GPATCH8: variants seen among roughly 807,000 people sequenced by gnomAD.
GPATCH8 encodes G patch domain-containing protein 8.
GPATCH8 carries 18 observed loss-of-function variants against 118.3 expected under a neutral mutation model. The ratio of observed to expected loss-of-function variants is 0.15; its 90% confidence interval spans 0.11 to 0.23. GPATCH8 has a LOEUF of 0.23. Ranked by LOEUF, GPATCH8 falls within the 10% of genes least tolerant of loss-of-function variation. GPATCH8 has a pLI of 1.00. For missense variants in GPATCH8, 1,631 were observed against 1,873.8 expected (o/e 0.87, Z 2.39); for synonymous variants, 659 against 684.7 (o/e 0.96, Z 0.59).
chr17:44,495,102 AG>A (rs1969558506), intron 1 of GPATCH8, among the ~76,000 whole-genome samples: 1 of 152,176 alleles, frequency 6.6e-6, no homozygotes, highest in African/African-American at 2.4e-5. Flanking sequence ...TGGGAGGCCA[AG>A]GCGGGCAGAT....
chr17:44,490,688 T>C (rs1207763719), intron 1 of GPATCH8, among the ~76,000 whole-genome samples: 1 of 152,088 alleles, frequency 6.6e-6, no homozygotes, highest in Non-Finnish European at 1.5e-5. Flanking sequence ...TTTTAAATTA[T>C]ATGCATACAC....
At chr17:44,414,470 G>A (rs1055124867) in intron 6 of GPATCH8, among the ~76,000 whole-genome samples, 2 of 151,906 alleles carry the variant, frequency 1.3e-5, no homozygotes, top group Non-Finnish European at 2.9e-5. Flanking sequence ...ATCATGCCCT[G>A]CTAATTTATT....
At chr17:44,481,396 A>G (rs1373722272) in intron 1 of GPATCH8, among the ~76,000 whole-genome samples, 1 of 152,262 alleles carries the variant, frequency 6.6e-6, no homozygotes, top group Non-Finnish European at 1.5e-5. Context: ...GGCACTAAAA[A>G]GAAACAAATT....
At chr17:44,467,366 C>T (rs1436535528) in intron 2 of GPATCH8, among the ~76,000 whole-genome samples, 1 of 152,246 alleles carries the variant, frequency 6.6e-6, no homozygotes, top group East Asian at 1.9e-4. Context: ...TAAGGTTATA[C>T]ACATTAGCAC....
chr17:44,415,433 T>C (rs1023234692), intron 6 of GPATCH8, among the ~76,000 whole-genome samples: 3 of 152,244 alleles, frequency 2.0e-5, no homozygotes, highest in African/African-American at 7.2e-5. Flanking sequence ...AAACCCAAAA[T>C]GCTCCAATAA....
At chr17:44,403,614 T>C (rs772142794) in intron 7 of GPATCH8, among the ~76,000 whole-genome samples, 3 of 152,136 alleles carry the variant, frequency 2.0e-5, no homozygotes, top group Non-Finnish European at 4.4e-5. Flanking sequence ...ATTTATATGA[T>C]GTCCTTGTTA....
Position 44,406,135 on chromosome 17 carries a change from C to T in GPATCH8, c.493-84G>A, listed in dbSNP as rs143678118. ...GAAAGCAAAGCCTTTAGGACATGAC[C>T]CTCAACCAACAGTCATGGTATTAGT... On this transcript the variant is annotated intron_variant, in intron 6 of 7. Transcript: ENST00000591680. The T allele has an allele frequency of 8.3e-3, 7,854 of 945,230 alleles. 52 individuals are homozygous for T. Among genetic ancestry groups the T allele is most frequent in the Non-Finnish European group, 0.011 (6,121 of 573,742 alleles). The allele number at this position is 945,230 out of a possible 1,614,324, so 58.6% of individuals were successfully genotyped here.
intron 7 of GPATCH8, among the ~76,000 whole-genome samples, chr17:44,404,353 G>T (rs1200756061): frequency 2.6e-5 from 4 of 151,760 alleles, no homozygotes; most frequent in Admixed American, 2.6e-4. Context: ...ATGTTGCCCT[G>T]GCTGGTCTTG....
chr17:44,397,912 C>T lies in GPATCH8; in HGVS notation c.4165G>A (p.Ala1389Thr), dbSNP rs760447249. Residue 1389 changes from alanine to threonine, a missense_variant, in exon 8 of 8, where the codon GCC becomes ACC. Ala to Thr is a moderately conservative substitution (Grantham distance 58). Transcript: ENST00000591680. ...ILQHHAAAAAAAIGIHPHPHP... is the reference protein window; with the variant it reads ...ILQHHAAAAATAIGIHPHPHP... ...GGGTGAGGGTGAATGCCGATGGCGG[C>T]AGCAGCTGCGGCAGCATGATGTTGT... is the stretch of plus-strand genomic sequence containing the variant. The T allele has an allele frequency of 6.2e-6, 10 of 1,612,384 alleles. No individual in the cohort carries two copies. Among genetic ancestry groups the T allele is most frequent in the Non-Finnish European group, 2.5e-6 (3 of 1,178,658 alleles).
intron 6 of GPATCH8, among the ~76,000 whole-genome samples, chr17:44,418,955 G>A (rs2049792841): frequency 6.6e-6 from 1 of 152,210 alleles, no homozygotes; most frequent in East Asian, 1.9e-4. Flanking sequence ...TGAAGATCAA[G>A]CTGGGTCTTA....
chr17:44,486,610 G>A (rs1459246685), intron 1 of GPATCH8: 1 of 152,002 alleles, frequency 6.6e-6, no homozygotes, highest in Non-Finnish European at 1.5e-5. Context: ...AGTATATTGT[G>A]GCCCCCTTTA....
intron 3 of GPATCH8, chr17:44,438,695 A>C (rs2050592567): frequency 6.6e-6 from 1 of 152,534 alleles, no homozygotes; most frequent in Non-Finnish European, 1.5e-5. Context: ...CCATCACCAC[A>C]ACAAGTCCAG....
At chr17:44,450,198 G>A (rs1199879888) in intron 3 of GPATCH8, among the ~76,000 whole-genome samples, 1 of 152,056 alleles carries the variant, frequency 6.6e-6, no homozygotes, top group African/African-American at 2.4e-5. Context: ...AATACAGCCT[G>A]GTATGTTTTG....
At chr17:44,446,666 A>G (rs2050895152) in intron 3 of GPATCH8, among the ~76,000 whole-genome samples, 1 of 152,224 alleles carries the variant, frequency 6.6e-6, no homozygotes, top group Non-Finnish European at 1.5e-5. Flanking sequence ...GGGATTATGT[A>G]GACAGCAGCC....
At chr17:44,452,134 G>A (rs1289064785) in intron 3 of GPATCH8, among the ~76,000 whole-genome samples, 1 of 151,850 alleles carries the variant, frequency 6.6e-6, no homozygotes. Context: ...TTAGTCAGGT[G>A]TGGTGGCATG....
chr17:44,503,181 C>G (rs1970224380), intron 1 of GPATCH8, 145 bp downstream of exon 1: 3 of 762,548 alleles, frequency 3.9e-6, no homozygotes, highest in African/African-American at 3.4e-5. Context: ...CGGGAGGCCT[C>G]TTGAGAAAGC....
At chr17:44,480,063 A>T (rs1968102313) in intron 1 of GPATCH8, among the ~76,000 whole-genome samples, 2 of 152,176 alleles carry the variant, frequency 1.3e-5, no homozygotes, top group African/African-American at 4.8e-5. Flanking sequence ...TGCTGAACAA[A>T]TCCATACCTG....
intron 1 of GPATCH8, among the ~76,000 whole-genome samples, chr17:44,478,863 C>T (rs972657683): frequency 2.0e-5 from 3 of 151,626 alleles, no homozygotes; most frequent in African/African-American, 7.3e-5. Context: ...CTCAGCCTCC[C>T]AAGTAGCTAG....
chr17:44,415,231 AT>A (rs1191295514), intron 6 of GPATCH8, among the ~76,000 whole-genome samples: 3 of 152,134 alleles, frequency 2.0e-5, no homozygotes, highest in Non-Finnish European at 4.4e-5. Flanking sequence ...TACCATTTTT[AT>A]TTTAGCCATC....
Sources: gnomAD v4.1 joint callset for allele counts (sites outside exome capture counted in the v4.1 genomes callset) on GRCh38, gnomAD v4.1.1 for gene constraint, MANE v1.5 for transcripts, NCBI Gene and HGNC (gene_info 2026-07-23, HGNC 2026-07-21) for gene names.